The following EDIL3 variants were observed in gnomAD, a reference collection of about 807,000 sequenced individuals.
The protein encoded by EDIL3 is EGF like and discoidin domains 3.
EDIL3 carries 37 observed loss-of-function variants against 67.4 expected under a neutral mutation model. The ratio of observed to expected loss-of-function variants is 0.55; its 90% confidence interval spans 0.42 to 0.72. EDIL3 has a LOEUF of 0.72. EDIL3 is among the 30% of genes least tolerant of loss of function. The pLI, the probability that EDIL3 is intolerant of heterozygous loss-of-function variation, is 0.00. For missense variants in EDIL3, 527 were observed against 586.3 expected (o/e 0.90, Z 1.04); for synonymous variants, 195 against 196.3 (o/e 0.99, Z 0.05).
chr5:84,155,645 T>C (rs1748478169), intron 4 of EDIL3, among the ~76,000 whole-genome samples: 1 of 152,212 alleles, frequency 6.6e-6, no homozygotes, highest in South Asian at 2.1e-4. Context: ...TTTGGAATAT[T>C]TCTATGACTT....
intron 9 of EDIL3, among the ~76,000 whole-genome samples, chr5:84,027,986 T>C (rs1745846634): frequency 2.0e-5 from 3 of 152,170 alleles, no homozygotes; most frequent in Admixed American, 1.3e-4. Flanking sequence ...CACTTAAGAC[T>C]GACTCCTGGG....
intron 9 of EDIL3, among the ~76,000 whole-genome samples, chr5:84,023,623 G>C (rs936759555): frequency 6.6e-6 from 1 of 151,878 alleles, no homozygotes; most frequent in Non-Finnish European, 1.5e-5. Context: ...CTCCCACCCT[G>C]TAAGAGCATG....
chr5:84,171,582 T>C (rs535042475), intron 4 of EDIL3, among the ~76,000 whole-genome samples: 20 of 152,328 alleles, frequency 1.3e-4, no homozygotes, highest in South Asian at 1.2e-3. Flanking sequence ...GGGGTTCTTG[T>C]TATAAGACAA....
In EDIL3 at chr5:84,019,458, G is replaced by A. The variant is rs190178718; in HGVS notation, c.1137+40842C>T. Among the ~76,000 whole-genome samples the A allele has an allele frequency of 7.6e-3, 1,150 of 152,088 alleles. 68 individuals carry two copies. The East Asian group carries it at 0.11, about 14-fold the overall frequency. ...ATCTAATGCTAAATGACAAGTTAAT[G>A]GGTGCAGCACACCAACATGGCACAT... On this transcript the variant is annotated intron_variant, in intron 9 of 10. Transcript: ENST00000296591.
intron 1 of EDIL3, among the ~76,000 whole-genome samples, chr5:84,363,826 T>TAA (rs201256494): frequency 2.0e-5 from 3 of 151,896 alleles, no homozygotes; most frequent in Non-Finnish European, 4.4e-5. Context: ...CAACTGGAGA[T>TAA]AAAAAAAATT....
At chr5:84,250,496 T>G (rs1468491353) in intron 2 of EDIL3, among the ~76,000 whole-genome samples, 1 of 152,254 alleles carries the variant, frequency 6.6e-6, no homozygotes, top group Non-Finnish European at 1.5e-5. Context: ...ATGTGTTAAG[T>G]GTTTTGTGCT....
intron 9 of EDIL3, among the ~76,000 whole-genome samples, chr5:83,979,044 T>C (rs993891445): frequency 6.6e-5 from 10 of 151,808 alleles, no homozygotes; most frequent in Non-Finnish European, 1.3e-4. Flanking sequence ...CTTACAAAAG[T>C]CCTAAGAACT....
intron 9 of EDIL3, among the ~76,000 whole-genome samples, chr5:83,974,371 T>C (rs945402935): frequency 6.6e-6 from 1 of 151,384 alleles, no homozygotes; most frequent in African/African-American, 2.4e-5. Context: ...TTGGAAAAGA[T>C]TGGAGGGGAG....
At chr5:84,311,790 G>A (rs1420966715) in intron 1 of EDIL3, among the ~76,000 whole-genome samples, 1 of 152,158 alleles carries the variant, frequency 6.6e-6, no homozygotes. Flanking sequence ...TCAAGCATCT[G>A]TTTAACAAAG....
At chr5:84,211,856 T>G (rs1744126018) in intron 3 of EDIL3, among the ~76,000 whole-genome samples, 1 of 152,170 alleles carries the variant, frequency 6.6e-6, no homozygotes, top group African/African-American at 2.4e-5. Context: ...CGAATATAGC[T>G]GTAGACAGTC....
At chr5:84,262,659 G>GTTTTTTTTTGTTTTTTTTTTTTTTT (rs1745251371) in intron 1 of EDIL3, among the ~76,000 whole-genome samples, 1 of 46,318 alleles carries the variant, frequency 2.2e-5, no homozygotes, top group African/African-American at 8.7e-5. Context: ...AGGTTGGTTG[G>GTTTTTTTTTGTTTTTTTTTTTTTTT]TTTTTTTTTT....
At chr5:84,047,758 G>C (rs926289928) in intron 9 of EDIL3, 2 of 152,074 alleles carry the variant, frequency 1.3e-5, no homozygotes, top group Middle Eastern at 3.4e-3. Context: ...GATATAATTT[G>C]TCAGCCCTCA....
At chr5:84,377,656 T>C (rs920874190) in intron 1 of EDIL3, among the ~76,000 whole-genome samples, 4 of 152,208 alleles carry the variant, frequency 2.6e-5, no homozygotes, top group Non-Finnish European at 4.4e-5. Flanking sequence ...CCTAACCCCA[T>C]TTAGAGATTA....
In EDIL3 at chr5:83,948,596, A is replaced by AT. The variant is rs201101131; in HGVS notation, c.1294-5029dup. Among the ~76,000 whole-genome samples the AT allele has an allele frequency of 2.7e-4, 41 of 151,636 alleles. No homozygotes were observed. In the East Asian group the frequency reaches 2.9e-3, roughly 11 times the overall value. On this transcript the variant is annotated intron_variant, in intron 10 of 10. Transcript: ENST00000296591. ...TATATGCAAGCATTCCAAAAATCAA[A>AT]TTTTTTTTATTAAAAAGGAAAAAAA...
intron 4 of EDIL3, among the ~76,000 whole-genome samples, chr5:84,161,812 T>C (rs1201874689): frequency 1.3e-5 from 2 of 152,160 alleles, no homozygotes; most frequent in African/African-American, 2.4e-5. Flanking sequence ...CTTATGGGTC[T>C]AAATCATTAA....
chr5:84,284,789 A>T (rs1266276972), intron 1 of EDIL3, among the ~76,000 whole-genome samples: 14 of 152,206 alleles, frequency 9.2e-5, no homozygotes, highest in Admixed American at 9.2e-4. Flanking sequence ...TAGACCCTGC[A>T]GCAAACTGCT....
chr5:84,327,933 A>G (rs1017728038), intron 1 of EDIL3, among the ~76,000 whole-genome samples: 1 of 151,996 alleles, frequency 6.6e-6, no homozygotes, highest in African/African-American at 2.4e-5. Context: ...TTATATGGGG[A>G]CAGGCCATGG....
At chr5:84,043,279 G>C (rs184222496) in intron 9 of EDIL3, among the ~76,000 whole-genome samples, 1 of 152,194 alleles carries the variant, frequency 6.6e-6, no homozygotes, top group Non-Finnish European at 1.5e-5. Flanking sequence ...TCATGACAGG[G>C]GTCGACTATT....
At chr5:83,985,359 T>A (rs1745041572) in intron 9 of EDIL3, among the ~76,000 whole-genome samples, 1 of 152,246 alleles carries the variant, frequency 6.6e-6, no homozygotes, top group South Asian at 2.1e-4. Flanking sequence ...CAAATTTTGT[T>A]TGGACAAATT....
Sources: gnomAD v4.1 joint callset for allele counts (sites outside exome capture counted in the v4.1 genomes callset) on GRCh38, gnomAD v4.1.1 for gene constraint, MANE v1.5 for transcripts, NCBI Gene and HGNC (gene_info 2026-07-23, HGNC 2026-07-21) for gene names.